Variants in CCDC192 observed in about 807,000 individuals in gnomAD.
CCDC192 encodes the protein coiled-coil domain containing 192, also known as coiled-coil domain-containing protein 192.
chr5:127,882,549 A>G (rs1349988456), intron 6 of CCDC192, among the ~76,000 whole-genome samples: 1 of 152,220 alleles, frequency 6.6e-6, no homozygotes, highest in Non-Finnish European at 1.5e-5. Flanking sequence ...CGGTATTTTT[A>G]ATATAGTAAA....
rs575292126 is a variant in CCDC192, at chr5:127,933,171, G to A, written c.536-8011G>A. 1.6e-4 allele frequency among the ~76,000 whole-genome samples: 24 copies of A among 152,294 alleles called. 1 individual carries two copies. The East Asian group carries it at 2.7e-3, about 17-fold the overall frequency. On this transcript the variant is annotated intron_variant, in intron 6 of 6. Coordinates refer to ENST00000514853, the MANE Select transcript of CCDC192 (RefSeq NM_001317938.2). The stretch of plus-strand genomic sequence containing the variant: ...AAGGAGGAATAGGTTACGTGCTATC[G>A]AAGTAAAGAGGTCCCAGATCACATA...
intron 3 of CCDC192, chr5:127,786,778 G>T: frequency 1.6e-6 from 1 of 633,130 alleles, no homozygotes; most frequent in Non-Finnish European, 3.0e-6. Flanking sequence ...TACTTAAGTT[G>T]TTTGTATAAT....
rs560959380 is a variant in CCDC192 at position 127,719,810 on chromosome 5, G to A, written c.114+12050G>A. Among the ~76,000 whole-genome samples the A allele has an allele frequency of 2.8e-4, 36 of 127,018 alleles. No individual in the cohort carries two copies. The South Asian group carries it at 8.9e-3, about 32-fold the overall frequency. The allele number at this position is 127,018 out of a possible 152,430, so 83.3% of individuals were successfully genotyped here. ...GTTGAAGAAGAAGGAGGCACGTCTC[G>A]CATGGCCAGATCAGAGGAAGGGGCG... On this transcript the variant is annotated intron_variant, in intron 2 of 6. Transcript: ENST00000514853.
intron 2 of CCDC192, among the ~76,000 whole-genome samples, chr5:127,717,928 C>CAAAAAAAAAAAAAAAAAAGAAAAAA: frequency 1.0e-5 from 1 of 98,068 alleles, no homozygotes; most frequent in Non-Finnish European, 2.0e-5. Context: ...TAAAGCTAGA[C>CAAAAAAAAAAAAAAAAAAGAAAAAA]AAAAAAAAAA....
Position 127,885,355 on chromosome 5 carries a change from G to C in CCDC192, c.535+9694G>C, listed in dbSNP as rs547437888. On this transcript the variant is annotated intron_variant, in intron 6 of 6. Coordinates refer to ENST00000514853, the MANE Select transcript of CCDC192 (RefSeq NM_001317938.2). ...TTCCTTCCAGGATATTTGCAGAACA[G>C]TCTTGGGCACTCCTTTGTCAAACAT... 2.0e-5 allele frequency among the ~76,000 whole-genome samples: 3 copies of C among 152,308 alleles called. No homozygotes were observed. The South Asian group carries it at 6.2e-4, about 32-fold the overall frequency.
At chr5:127,766,256 G>A (rs1393256585) in intron 3 of CCDC192, among the ~76,000 whole-genome samples, 1 of 152,086 alleles carries the variant, frequency 6.6e-6, no homozygotes, top group African/African-American at 2.4e-5. Context: ...AATACCTCCA[G>A]GGAGTGTTCT....
At chr5:127,887,328 C>CAAAAAAAA (rs10658827) in intron 6 of CCDC192, among the ~76,000 whole-genome samples, 1 of 87,600 alleles carries the variant, frequency 1.1e-5, no homozygotes, top group African/African-American at 4.7e-5. Flanking sequence ...GACTCTGTCT[C>CAAAAAAAA]AAAAAAAAAA....
chr5:127,927,841 G>GT (rs35011999), intron 6 of CCDC192, among the ~76,000 whole-genome samples: 51 of 149,768 alleles, frequency 3.4e-4, no homozygotes, highest in African/African-American at 1.1e-3. Context: ...ATGTTCTTTG[G>GT]TTTTTTTTCC....
chr5:127,773,538 T>C (rs1010606177), intron 3 of CCDC192, among the ~76,000 whole-genome samples: 1 of 152,236 alleles, frequency 6.6e-6, no homozygotes, highest in African/African-American at 2.4e-5. Context: ...TAATATGACC[T>C]TTTGTATCTG....
At chr5:127,905,806 G>C (rs1753177396) in intron 6 of CCDC192, among the ~76,000 whole-genome samples, 1 of 152,058 alleles carries the variant, frequency 6.6e-6, no homozygotes, top group South Asian at 2.1e-4. Flanking sequence ...TCAAAAAAAA[G>C]CAGGGATTAC....
At chr5:127,850,481 A>G (rs1750744990) in intron 5 of CCDC192, among the ~76,000 whole-genome samples, 1 of 152,170 alleles carries the variant, frequency 6.6e-6, no homozygotes, top group African/African-American at 2.4e-5. Flanking sequence ...ACCTATAACA[A>G]GGAAATTCTC....
chr5:127,796,088 G>A (rs548112862), intron 3 of CCDC192, among the ~76,000 whole-genome samples: 6 of 152,314 alleles, frequency 3.9e-5, no homozygotes, highest in South Asian at 4.1e-4. Context: ...GTGAATGAGC[G>A]TGTGGCTGGA....
At chr5:127,900,528 G>A (rs245161) in intron 6 of CCDC192, among the ~76,000 whole-genome samples, 39,076 of 152,126 alleles carry the variant, frequency 0.26, 5,099 homozygotes, top group South Asian at 0.33. Flanking sequence ...ACTTTTGAAG[G>A]TCAGAAGCTG....
At chr5:127,940,886 G>A (rs995576303) in intron 6 of CCDC192, 46 of 254,864 alleles carry the variant, frequency 1.8e-4, no homozygotes, top group African/African-American at 9.0e-4. Flanking sequence ...GGATTTTCAT[G>A]AATTATTCCC....
chr5:127,766,608 TA>T (rs548715145), intron 3 of CCDC192, among the ~76,000 whole-genome samples: 1,793 of 98,922 alleles, frequency 0.018, 63 homozygotes, highest in African/African-American at 0.055. Context: ...ACGTCCTGTG[TA>T]AAAAAAAAAA....
At chr5:127,907,612 T>A (rs1753235808) in intron 6 of CCDC192, among the ~76,000 whole-genome samples, 1 of 152,244 alleles carries the variant, frequency 6.6e-6, no homozygotes, top group Admixed American at 6.5e-5. Context: ...TTTTGCTTTA[T>A]CTTAATCAGC....
intron 5 of CCDC192, among the ~76,000 whole-genome samples, chr5:127,874,110 A>G (rs745867329): frequency 1.3e-5 from 2 of 152,154 alleles, no homozygotes; most frequent in Non-Finnish European, 2.9e-5. Flanking sequence ...CACCCAGAGG[A>G]TGCATTCTAA....
At chr5:127,910,649 G>A (rs972872492) in intron 6 of CCDC192, among the ~76,000 whole-genome samples, 8 of 152,106 alleles carry the variant, frequency 5.3e-5, no homozygotes, top group East Asian at 3.8e-4. Flanking sequence ...TTGTTTCCCC[G>A]CTGCAGTAAA....
intron 1 of CCDC192, among the ~76,000 whole-genome samples, chr5:127,704,923 C>A (rs1476375044): frequency 1.3e-5 from 2 of 151,680 alleles, no homozygotes; most frequent in Admixed American, 1.3e-4. Context: ...ACTAGTCCTC[C>A]AATTTGACAT....
Sources: gnomAD v4.1 joint callset for allele counts (sites outside exome capture counted in the v4.1 genomes callset) on GRCh38, gnomAD v4.1.1 for gene constraint, MANE v1.5 for transcripts, NCBI Gene and HGNC (gene_info 2026-07-23, HGNC 2026-07-21) for gene names.